The following ADAM12 variants were observed in gnomAD, a reference collection of about 807,000 sequenced individuals.
The protein encoded by ADAM12 is ADAM metallopeptidase domain 12.
In ADAM12, 70 loss-of-function variants were observed where a neutral mutation model predicts 106.4. The ratio of observed to expected loss-of-function variants is 0.66; its 90% CI spans 0.54 to 0.80. The LOEUF (loss-of-function observed/expected upper bound fraction) is 0.80, where lower values mean the gene tolerates loss of function less well. Among genes scored for constraint, ADAM12 ranks in the 30% least tolerant of loss-of-function variants. The pLI, the probability that ADAM12 is intolerant of heterozygous loss-of-function variation, is 0.00. For missense variants in ADAM12, 1,010 were observed against 1,171.9 expected, an observed-to-expected ratio of 0.86 and a Z score of 2.02; for synonymous variants, 420 against 433.5, an observed-to-expected ratio of 0.97 and a Z score of 0.39.
At chr10:126,177,827 C>G (rs1565117916) in intron 3 of ADAM12, among the ~76,000 whole-genome samples, 2 of 152,158 alleles carry the variant, frequency 1.3e-5, no homozygotes, top group Non-Finnish European at 2.9e-5. Flanking sequence ...GGCTGAAGTC[C>G]TTCTTCACTA....
At chr10:126,246,066 A>G (rs1048626633) in intron 3 of ADAM12, among the ~76,000 whole-genome samples, 3 of 152,200 alleles carry the variant, frequency 2.0e-5, no homozygotes, top group African/African-American at 4.8e-5. Flanking sequence ...AGGAGTACAC[A>G]GGGAAGGGCC....
chr10:126,322,462 G>A (rs1435502373), intron 2 of ADAM12, among the ~76,000 whole-genome samples: 2 of 152,226 alleles, frequency 1.3e-5, no homozygotes, highest in African/African-American at 2.4e-5. Context: ...AGACATCTGT[G>A]ACTAGAAGAG....
chr10:126,055,394 AACAC>A (rs1056509670), intron 14 of ADAM12, among the ~76,000 whole-genome samples: 1 of 151,552 alleles, frequency 6.6e-6, no homozygotes, highest in African/African-American at 2.4e-5. Flanking sequence ...GCTCTTAACA[AACAC>A]ACACACTTTA....
chr10:126,037,072 T>C (rs1342461976), intron 20 of ADAM12, among the ~76,000 whole-genome samples: 1 of 152,158 alleles, frequency 6.6e-6, no homozygotes, highest in Non-Finnish European at 1.5e-5. Context: ...TCACTATCAG[T>C]TTGCATTTGT....
chr10:126,213,064 T>C (rs1957929844), intron 3 of ADAM12, among the ~76,000 whole-genome samples: 1 of 152,158 alleles, frequency 6.6e-6, no homozygotes, highest in South Asian at 2.1e-4. Context: ...AAGACTCACA[T>C]TTGGTTCACA....
At chr10:126,277,212 C>G (rs1442849613) in intron 3 of ADAM12, among the ~76,000 whole-genome samples, 1 of 152,098 alleles carries the variant, frequency 6.6e-6, no homozygotes, top group Non-Finnish European at 1.5e-5. Flanking sequence ...TTGTTCCCTT[C>G]CCCCCTATAA....
At chr10:126,042,825 CTCAG>C (rs1412649078) in intron 18 of ADAM12, among the ~76,000 whole-genome samples, 1 of 152,242 alleles carries the variant, frequency 6.6e-6, no homozygotes, top group Non-Finnish European at 1.5e-5. Context: ...AACTCAGCCA[CTCAG>C]TCAAAGCAGA....
intron 8 of ADAM12, among the ~76,000 whole-genome samples, chr10:126,101,950 G>A (rs1033943846): frequency 3.3e-5 from 5 of 151,986 alleles, no homozygotes; most frequent in African/African-American, 2.4e-5. Flanking sequence ...CAAAGCATCC[G>A]GCACACCACT....
chr10:126,208,328 G>A (rs888837747), intron 3 of ADAM12, among the ~76,000 whole-genome samples: 5 of 152,140 alleles, frequency 3.3e-5, no homozygotes, highest in African/African-American at 1.2e-4. Context: ...ATCCTACAAT[G>A]CCCAGTGCAG....
chr10:126,155,455 C>T (rs372347451), intron 3 of ADAM12, 150 bp from the exon 4 acceptor site: 2 of 654,016 alleles, frequency 3.1e-6, no homozygotes, highest in East Asian at 2.9e-5. Context: ...AGGGCCTTCC[C>T]AGTTTAGGTT....
At chr10:126,319,977 T>C (rs1043508887) in intron 2 of ADAM12, among the ~76,000 whole-genome samples, 15 of 152,200 alleles carry the variant, frequency 9.9e-5, no homozygotes, top group Admixed American at 9.2e-4. Flanking sequence ...GTGTTTCCTT[T>C]TGACCATTTA....
intron 21 of ADAM12, among the ~76,000 whole-genome samples, chr10:126,033,485 G>A (rs1056809890): frequency 1.3e-5 from 2 of 152,216 alleles, no homozygotes; most frequent in African/African-American, 4.8e-5. Context: ...GTGTTTGTGT[G>A]TGTGTGTTCT....
intron 2 of ADAM12, among the ~76,000 whole-genome samples, chr10:126,307,438 C>T (rs569466979): frequency 9.2e-5 from 14 of 152,318 alleles, no homozygotes; most frequent in Admixed American, 2.0e-4. Context: ...ATTGCAACCT[C>T]TGCCTCTGGG....
At chr10:126,256,527 T>G (rs1457507961) in intron 3 of ADAM12, among the ~76,000 whole-genome samples, 1 of 148,474 alleles carries the variant, frequency 6.7e-6, no homozygotes, top group Non-Finnish European at 1.5e-5. Flanking sequence ...TGTGTCAGAC[T>G]CTGGTCTGGG....
At chr10:126,380,584 C>A (rs1272272813) in intron 1 of ADAM12, among the ~76,000 whole-genome samples, 1 of 151,682 alleles carries the variant, frequency 6.6e-6, no homozygotes, top group Non-Finnish European at 1.5e-5. Context: ...CCGCTCCTGG[C>A]ACTGACGCAC....
intron 1 of ADAM12, among the ~76,000 whole-genome samples, chr10:126,378,968 G>A (rs1856395717): frequency 6.6e-6 from 1 of 152,180 alleles, no homozygotes; most frequent in Non-Finnish European, 1.5e-5. Context: ...GCGGACAACA[G>A]CTGCATTTTG....
chr10:126,305,561 G>A (rs1455962100), intron 2 of ADAM12, among the ~76,000 whole-genome samples: 2 of 152,092 alleles, frequency 1.3e-5, no homozygotes, highest in Admixed American at 1.3e-4. Context: ...TGATTTGGGT[G>A]ACGGTTACGT....
chr10:126,386,936 T>A (rs1022621843), intron 1 of ADAM12, among the ~76,000 whole-genome samples: 1 of 152,244 alleles, frequency 6.6e-6, no homozygotes, highest in Non-Finnish European at 1.5e-5. Flanking sequence ...TAATCATTTA[T>A]CCCCGAATTG....
intron 3 of ADAM12, among the ~76,000 whole-genome samples, chr10:126,267,882 TGGA>T (rs1025044233): frequency 6.6e-5 from 10 of 152,276 alleles, no homozygotes; most frequent in African/African-American, 2.4e-4. Context: ...TGTACCTTCA[TGGA>T]GGAGGACAGG....
Sources: allele counts gnomAD v4.1 joint callset (sites outside exome capture counted in the v4.1 genomes callset), GRCh38; gene constraint gnomAD v4.1.1; transcripts MANE v1.5; gene names NCBI Gene and HGNC (gene_info 2026-07-23, HGNC 2026-07-21).